The following KCNJ10 variants were observed in gnomAD, a reference collection of about 807,000 sequenced individuals.
KCNJ10 encodes ATP-sensitive inward rectifier potassium channel 10.
In KCNJ10, 9 loss-of-function variants were observed where a neutral mutation model predicts 22.2. That is an observed-to-expected ratio of 0.40 (90% confidence interval 0.24 to 0.71). The LOEUF (loss-of-function observed/expected upper bound fraction) is 0.71, where lower values mean the gene tolerates loss of function less well. KCNJ10 is among the 30% of genes least tolerant of loss of function. The probability of loss-of-function intolerance (pLI) is 0.35; values close to 1 mark genes in which losing one functional copy is unlikely to be tolerated. For synonymous variants in KCNJ10, 184 were observed against 187.3 expected (o/e 0.98, Z 0.15); for missense variants, 337 against 482.7 (o/e 0.70, Z 2.83).
Position 160,042,264 on chromosome 1 carries a change from G to A in KCNJ10, c.269C>T (p.Ala90Val), listed in dbSNP as rs771759286. ...CTCCAGCAGGTCCCCATGTGCCACA[G>A]CTACCAGATACCACACCACGCCAAA... Reference protein sequence around the residue: ...FLFGVVWYLVAVAHGDLLELD... With the variant: ...FLFGVVWYLVVVAHGDLLELD... Residue 90 changes from alanine (A) to valine (V), a missense_variant, in exon 2 of 2, where the codon GCT becomes GTT. Physicochemically the swap from Ala to Val is moderately conservative, Grantham distance 64 (BLOSUM62 0). This residue lies in a region of KCNJ10 where 107 missense variants were observed against 135.2 expected (regional missense o/e 0.79). Coordinates refer to ENST00000644903, the MANE Select transcript of KCNJ10 (RefSeq NM_002241.5). 3 of 1,614,128 alleles carry A rather than the reference G, an allele frequency of 1.9e-6. No homozygotes were observed. Among genetic ancestry groups the A allele is most frequent in the South Asian group, 2.2e-5 (2 of 91,084 alleles).
intron 1 of KCNJ10, among the ~76,000 whole-genome samples, chr1:160,058,178 C>T (rs1571273315): frequency 1.3e-5 from 2 of 152,194 alleles, no homozygotes; most frequent in African/African-American, 4.8e-5. Flanking sequence ...CTCCTTCAGG[C>T]CCCCTTTTCC....
chr1:160,068,227 C>T (rs1208945899), intron 1 of KCNJ10, among the ~76,000 whole-genome samples: 1 of 152,094 alleles, frequency 6.6e-6, no homozygotes, highest in Non-Finnish European at 1.5e-5. Context: ...AGGGGTTCTG[C>T]ATTAGAGCCA....
At chr1:160,045,503 G>C (rs1648722726) in intron 1 of KCNJ10, among the ~76,000 whole-genome samples, 1 of 152,192 alleles carries the variant, frequency 6.6e-6, no homozygotes, top group African/African-American at 2.4e-5. Flanking sequence ...GAGAAGATGT[G>C]ATTTAGCAAA....
intron 1 of KCNJ10, among the ~76,000 whole-genome samples, chr1:160,059,945 C>A (rs889704719): frequency 2.0e-5 from 3 of 152,178 alleles, no homozygotes; most frequent in Non-Finnish European, 4.4e-5. Context: ...CCTATTTGTA[C>A]CCTTAATGGA....
intron 1 of KCNJ10, among the ~76,000 whole-genome samples, chr1:160,069,535 A>G (rs1649402359): frequency 1.3e-5 from 2 of 152,106 alleles, no homozygotes; most frequent in South Asian, 2.1e-4. Flanking sequence ...TCCCCGGTTT[A>G]AGCTGCCAGT....
At chr1:160,047,902 A>G (rs929665909) in intron 1 of KCNJ10, among the ~76,000 whole-genome samples, 1 of 152,110 alleles carries the variant, frequency 6.6e-6, no homozygotes, top group Non-Finnish European at 1.5e-5. Flanking sequence ...CACCATGCCC[A>G]GCTAATTTTT....
At chr1:160,066,157 GA>G (rs1350335939) in intron 1 of KCNJ10, among the ~76,000 whole-genome samples, 1 of 152,006 alleles carries the variant, frequency 6.6e-6, no homozygotes, top group African/African-American at 2.4e-5. Context: ...TGAGAATGGG[GA>G]AAGAGACTAT....
chr1:160,067,220 C>T (rs547321644), intron 1 of KCNJ10, among the ~76,000 whole-genome samples: 4 of 152,272 alleles, frequency 2.6e-5, no homozygotes, highest in African/African-American at 7.2e-5. Flanking sequence ...CAAACACCCA[C>T]GGGAGGGCAT....
intron 1 of KCNJ10, among the ~76,000 whole-genome samples, chr1:160,056,590 G>A (rs1262400574): frequency 6.6e-6 from 1 of 152,130 alleles, no homozygotes; most frequent in Non-Finnish European, 1.5e-5. Context: ...CCACCTCCCA[G>A]GTAGAAATAG....
intron 1 of KCNJ10, among the ~76,000 whole-genome samples, chr1:160,045,972 A>C (rs1048698967): frequency 2.0e-5 from 3 of 152,230 alleles, no homozygotes; most frequent in Non-Finnish European, 4.4e-5. Flanking sequence ...TTGGACAAGC[A>C]CTTTGCAGAG....
At chr1:160,066,848 T>C (rs959901936) in intron 1 of KCNJ10, among the ~76,000 whole-genome samples, 1 of 152,080 alleles carries the variant, frequency 6.6e-6, no homozygotes, top group South Asian at 2.1e-4. Flanking sequence ...TTGTTGGTGG[T>C]TTTTGTTTTG....
intron 1 of KCNJ10, among the ~76,000 whole-genome samples, chr1:160,055,289 T>A (rs1649001234): frequency 6.6e-6 from 1 of 152,142 alleles, no homozygotes; most frequent in African/African-American, 2.4e-5. Flanking sequence ...ACAGCCAGTC[T>A]AGGGGGGGCA....
In KCNJ10 at chr1:160,056,802, T is replaced by C. The variant is rs376434845; in HGVS notation, c.-1+13220A>G. On this transcript the variant is annotated intron_variant, in intron 1 of 1. Transcript: ENST00000644903. ...GGCTAGGAATGTCAACTATACAGCA[T>C]GTGAGCCATCACTCATCACCCCACC... Among the ~76,000 whole-genome samples, 231 of 152,304 alleles carry C rather than the reference T, an allele frequency of 1.5e-3. 8 individuals are homozygous for C. In the South Asian group the frequency reaches 0.046, roughly 31 times the overall value.
At chr1:160,046,898 C>T (rs180758144) in intron 1 of KCNJ10, among the ~76,000 whole-genome samples, 135 of 152,310 alleles carry the variant, frequency 8.9e-4, no homozygotes, top group Non-Finnish European at 7.9e-4. Flanking sequence ...CAGTCCCAGC[C>T]GGCCAAATAC....
At chr1:160,061,149 G>T (rs1441447245) in intron 1 of KCNJ10, among the ~76,000 whole-genome samples, 1 of 152,152 alleles carries the variant, frequency 6.6e-6, no homozygotes, top group Non-Finnish European at 1.5e-5. Context: ...AGCTCTGTTG[G>T]AATTGTAGAT....
At chr1:160,060,636 C>T (rs1649168545) in intron 1 of KCNJ10, among the ~76,000 whole-genome samples, 1 of 152,180 alleles carries the variant, frequency 6.6e-6, no homozygotes, top group African/African-American at 2.4e-5. Context: ...GCAACTGTGA[C>T]CCCATCCACC....
chr1:160,068,668 CT>C (rs751589438), intron 1 of KCNJ10, among the ~76,000 whole-genome samples: 35 of 152,228 alleles, frequency 2.3e-4, no homozygotes, highest in Middle Eastern at 3.2e-3. Flanking sequence ...TCCTTCCAAA[CT>C]TGGTCCCCTA....
intron 1 of KCNJ10, among the ~76,000 whole-genome samples, chr1:160,053,734 C>T (rs976194224): frequency 2.0e-5 from 3 of 152,204 alleles, no homozygotes; most frequent in African/African-American, 4.8e-5. Context: ...AGCCTGACAT[C>T]GAGGCCCTGG....
intron 1 of KCNJ10, chr1:160,063,718 A>G (rs536710276): frequency 2.2e-4 from 34 of 152,146 alleles, no homozygotes; most frequent in African/African-American, 5.5e-4. Context: ...AACCCTGTCA[A>G]CTCTCTCTGG....
Sources: gnomAD v4.1 joint callset for allele counts (sites outside exome capture counted in the v4.1 genomes callset) on GRCh38, gnomAD v4.1.1 for gene constraint, gnomAD v4.1.1 regional missense constraint, MANE v1.5 for transcripts, NCBI Gene and HGNC (gene_info 2026-07-23, HGNC 2026-07-21) for gene names.